TP53INP1: variants seen among roughly 807,000 people sequenced by gnomAD.
TP53INP1 encodes the protein tumor protein p53 inducible nuclear protein 1.
Under a neutral mutation model 21.0 loss-of-function variants are expected in TP53INP1, and 12 were observed. The observed-to-expected ratio is 0.57, with a 90% CI of 0.37 to 0.93. TP53INP1 has a LOEUF of 0.93. TP53INP1 is among the 40% of genes least tolerant of loss of function. The pLI is 0.01. For missense variants in TP53INP1, 274 were observed against 294.7 expected (o/e 0.93, Z 0.51); for synonymous variants, 91 against 94.8 (o/e 0.96, Z 0.23).
At position 94,946,696 on chromosome 8, in the gene TP53INP1, C is replaced by CAAAAAAAAAAAAAAAAAAAAAAAA. The variant is rs71273438; in HGVS notation, c.-151+2434_-151+2457dup. ...TGGTCAACAGAGTAAGACCCTGTCT[C>CAAAAAAAAAAAAAAAAAAAAAAAA]AAAAAAAAAAAAAAAAAAAAAAAAG... On this transcript the variant is annotated intron_variant, in intron 1 of 3. Coordinates refer to ENST00000342697, the MANE Select transcript of TP53INP1 (RefSeq NM_033285.4). 2.0e-3 allele frequency among the ~76,000 whole-genome samples: 71 copies of CAAAAAAAAAAAAAAAAAAAAAAAA among 34,682 alleles called. 9 individuals carry two copies. Among genetic ancestry groups the CAAAAAAAAAAAAAAAAAAAAAAAA allele is most frequent in the East Asian group, 5.9e-3 (5 of 850 alleles). The allele number at this position is 34,682 out of a possible 152,430, so 22.8% of individuals were successfully genotyped here.
chr8:94,939,343 CTATTA>C (rs1370114603), intron 3 of TP53INP1, among the ~76,000 whole-genome samples: 3 of 152,136 alleles, frequency 2.0e-5, no homozygotes, highest in African/African-American at 7.2e-5. Flanking sequence ...AATGAGAATG[CTATTA>C]TATAACTGGG....
intron 3 of TP53INP1, among the ~76,000 whole-genome samples, chr8:94,933,985 G>A (rs1820714531): frequency 6.6e-6 from 1 of 151,854 alleles, no homozygotes; most frequent in South Asian, 2.1e-4. Flanking sequence ...GCTGAGGCAG[G>A]AGAATTGCTT....
chr8:94,935,484 GA>G (rs1820891944), intron 3 of TP53INP1, among the ~76,000 whole-genome samples: 1 of 152,218 alleles, frequency 6.6e-6, no homozygotes, highest in African/African-American at 2.4e-5. Flanking sequence ...TAAAAAGCCA[GA>G]AGGCAGAGAT....
intron 3 of TP53INP1, among the ~76,000 whole-genome samples, chr8:94,934,795 CAA>C (rs1382129588): frequency 6.6e-6 from 1 of 152,118 alleles, no homozygotes; most frequent in African/African-American, 2.4e-5. Context: ...AGCAACTCCA[CAA>C]AGTTATATTT....
chr8:94,933,838 G>GGA lies in TP53INP1; in HGVS notation c.474-3111_474-3110insTC, dbSNP rs1554630476. 6.7e-5 allele frequency among the ~76,000 whole-genome samples: 10 copies of GGA among 148,482 alleles called. 3 individuals carry two copies. Among genetic ancestry groups the GGA allele is most frequent in the African/African-American group, 1.7e-4 (7 of 40,060 alleles). On this transcript the variant is annotated intron_variant, in intron 3 of 3. Transcript: ENST00000342697. ...GCCTGTAATCCCAGCACTTTGTGGG[G>GGA]GGGGGGGGAGGATCACGAGGTCAGG...
chr8:94,927,961 T>G lies in TP53INP1; in HGVS notation c.*2518A>C, dbSNP rs2131298541. On this transcript the variant is annotated 3_prime_UTR_variant, in exon 4 of 4. Coordinates refer to ENST00000342697, the MANE Select transcript of TP53INP1 (RefSeq NM_033285.4). ...ATTTTGGCCATGTTTCAGAGAATAC[T>G]TAACAGGTCAACATCGTTCTGTGTT... 1 of 152,046 alleles carries G rather than the reference T, an allele frequency of 6.6e-6. No homozygotes were observed. Among genetic ancestry groups the G allele is most frequent in the African/African-American group, 2.4e-5 (1 of 41,492 alleles). 9.4% of individuals were successfully genotyped at this position (152,046 alleles called of 1,614,324 possible). A position where few individuals can be genotyped will look rare whatever the true frequency, so the allele number is the denominator to read the frequency against.
At chr8:94,931,777 G>A (rs1820426180) in intron 3 of TP53INP1, among the ~76,000 whole-genome samples, 1 of 152,144 alleles carries the variant, frequency 6.6e-6, no homozygotes, top group African/African-American at 2.4e-5. Context: ...TTCAAGACCA[G>A]CCTGGCCAAC....
At position 94,929,418 on chromosome 8, in the gene TP53INP1, TAA is replaced by T. The variant is rs77909682; in HGVS notation, c.*1059_*1060del. ...AAGAATACTTACAATACAAGGCAAT[TAA>T]AAAAAAAAAAAGAAAAAAGTTGAGC... On this transcript the variant is annotated 3_prime_UTR_variant, in exon 4 of 4. Transcript: ENST00000342697. 13 of 140,074 alleles carry T rather than the reference TAA, an allele frequency of 9.3e-5. No homozygotes were observed. Among genetic ancestry groups the T allele is most frequent in the Non-Finnish European group, 7.8e-5 (5 of 63,984 alleles). 8.7% of individuals were successfully genotyped at this position (140,074 alleles called of 1,614,324 possible). A position where few individuals can be genotyped will look rare whatever the true frequency, so the allele number is the denominator to read the frequency against.
At position 94,928,876 on chromosome 8, in the gene TP53INP1, T is replaced by C. The variant is rs983777530; in HGVS notation, c.*1603A>G. On this transcript the variant is annotated 3_prime_UTR_variant, in exon 4 of 4. Transcript: ENST00000342697. ...TCTCCTTGAAAACATTTTGTAGACCTGTACTCATTTAATTAGGGTTGCAGA... is the reference window on the plus strand; with the variant it reads ...TCTCCTTGAAAACATTTTGTAGACCCGTACTCATTTAATTAGGGTTGCAGA... The C allele has an allele frequency of 9.8e-5, 15 of 152,634 alleles. 1 individual carries two copies. The highest frequency in any genetic ancestry group is 1.9e-4 in the Non-Finnish European group (13 of 68,056). The allele number at this position is 152,634 out of a possible 1,614,324, so 9.5% of individuals were successfully genotyped here. A position where few individuals can be genotyped will look rare whatever the true frequency, so the allele number is the denominator to read the frequency against.
chr8:94,935,538 T>C (rs754168735), intron 3 of TP53INP1, among the ~76,000 whole-genome samples: 14 of 152,192 alleles, frequency 9.2e-5, no homozygotes, highest in Non-Finnish European at 1.8e-4. Context: ...AATAGACAGA[T>C]TGATTAATCA....
chr8:94,945,623 A>T lies in TP53INP1; in HGVS notation c.-151+3531T>A, dbSNP rs1298421394. On this transcript the variant is annotated intron_variant, in intron 1 of 3. Transcript: ENST00000342697. ...ACTGGGCTGGTTCTACATGGAGGTAAATGGAAAAGTAGAGCTTTAGACTCC... is the reference window on the plus strand; with the variant it reads ...ACTGGGCTGGTTCTACATGGAGGTATATGGAAAAGTAGAGCTTTAGACTCC... 3 of 152,340 alleles carry T rather than the reference A, an allele frequency of 2.0e-5. No individual in the cohort carries two copies. The East Asian group carries it at 5.8e-4, about 29-fold the overall frequency. The allele number at this position is 152,340 out of a possible 1,614,324, so 9.4% of individuals were successfully genotyped here. A position where few individuals can be genotyped will look rare whatever the true frequency, so the allele number is the denominator to read the frequency against.
chr8:94,943,173 C>T (rs1821706386), intron 1 of TP53INP1, among the ~76,000 whole-genome samples: 1 of 152,064 alleles, frequency 6.6e-6, no homozygotes, highest in Non-Finnish European at 1.5e-5. Context: ...GCTGATGACA[C>T]AAAGACAGTG....
At chr8:94,932,813 A>T (rs1820555968) in intron 3 of TP53INP1, among the ~76,000 whole-genome samples, 1 of 151,918 alleles carries the variant, frequency 6.6e-6, no homozygotes, top group South Asian at 2.1e-4. Context: ...AAAAATAAAA[A>T]AAAAAGAATT....
rs1371283519 is a variant in TP53INP1, at chr8:94,927,023, T to C, written c.*3456A>G. ...TTATGGGCCTTATAAAATAAAAAGA[T>C]AATTTTAAAGTAACATTACAAACAT... On this transcript the variant is annotated 3_prime_UTR_variant, in exon 4 of 4. Transcript: ENST00000342697. 1 of 152,270 alleles carries C rather than the reference T, an allele frequency of 6.6e-6. No individual in the cohort carries two copies. The highest frequency in any genetic ancestry group is 1.5e-5 in the Non-Finnish European group (1 of 68,008). The allele number at this position is 152,270 out of a possible 1,614,324, so 9.4% of individuals were successfully genotyped here.
In TP53INP1 at chr8:94,939,953, G is replaced by C. The variant is rs1439122384; in HGVS notation, c.380C>G (p.Pro127Arg). The C allele has an allele frequency of 6.2e-7, 1 of 1,614,106 alleles. No individual in the cohort carries two copies. Among genetic ancestry groups the C allele is most frequent in the Non-Finnish European group, 8.5e-7 (1 of 1,180,004 alleles). ...ATGCACAGCATAGACAGACATGCTG[G>C]GATGTTCAATGAGAAGGTTTTCCAT... ...SPMENLLIEH[P>R]SMSVYAVHNS... The change falls in exon 3 of 4, where the codon CCC becomes CGC. Residue 127 changes from proline to arginine, a missense_variant. By Grantham distance (103) the Pro-to-Arg change is moderately radical (BLOSUM62 -2). Coordinates refer to ENST00000342697, the MANE Select transcript of TP53INP1 (RefSeq NM_033285.4).
intron 1 of TP53INP1, among the ~76,000 whole-genome samples, chr8:94,947,574 C>G (rs1348041984): frequency 1.3e-5 from 2 of 152,122 alleles, no homozygotes; most frequent in Non-Finnish European, 2.9e-5. Flanking sequence ...GGATTTTGAA[C>G]TGCAGAAAAA....
chr8:94,930,491 C>T lies in TP53INP1; in HGVS notation c.711G>A (p.Gln237=). The T allele has an allele frequency of 1.2e-6, 2 of 1,614,210 alleles. No homozygotes were observed. The highest frequency in any genetic ancestry group is 2.2e-5 in the South Asian group (2 of 91,080). The change falls in exon 4 of 4, where the codon CAG becomes CAA. Residue 237 remains glutamine (Q), a synonymous_variant. Coordinates refer to ENST00000342697, the MANE Select transcript of TP53INP1 (RefSeq NM_033285.4). ...GWVVHQPCPR[Q]YNY The stretch of plus-strand genomic sequence containing the variant: ...AAACTTGAAACTATTAGTAATTGTA[C>T]TGACGCGGGCAGGGCTGATGAACAA...
intron 3 of TP53INP1, among the ~76,000 whole-genome samples, chr8:94,938,553 C>G (rs1469655979): frequency 6.6e-6 from 1 of 152,218 alleles, no homozygotes; most frequent in Non-Finnish European, 1.5e-5. Flanking sequence ...AGCCCCACCC[C>G]TCAAACTCCA....
rs577064313 is a variant in TP53INP1, at chr8:94,926,707, T to C, written c.*3772A>G. On this transcript the variant is annotated 3_prime_UTR_variant, in exon 4 of 4. Transcript: ENST00000342697. ...CCTTTCAAGAGTAACTCTCCTCCCA[T>C]GCAAAGGATACTGTTGCACATAAAA... The C allele has an allele frequency of 1.6e-4, 25 of 152,350 alleles. No individual in the cohort carries two copies. Among genetic ancestry groups the C allele is most frequent in the African/African-American group, 5.3e-4 (22 of 41,586 alleles). 9.4% of individuals were successfully genotyped at this position (152,350 alleles called of 1,614,324 possible). A position where few individuals can be genotyped will look rare whatever the true frequency, so the allele number is the denominator to read the frequency against.
Sources: allele counts gnomAD v4.1 joint callset (sites outside exome capture counted in the v4.1 genomes callset), GRCh38; gene constraint gnomAD v4.1.1; transcripts MANE v1.5; gene names NCBI Gene and HGNC (gene_info 2026-07-23, HGNC 2026-07-21).